Variants in AHCY observed in about 807,000 individuals in gnomAD.
The protein encoded by AHCY is adenosylhomocysteinase, also known as S-adenosyl-L-homocysteine hydrolase.
In AHCY, 24 loss-of-function variants were observed where a neutral mutation model predicts 45.4. The observed-to-expected ratio is 0.53, with a 90% CI of 0.38 to 0.74. The LOEUF (loss-of-function observed/expected upper bound fraction) is 0.74, where lower values mean the gene tolerates loss of function less well. Among genes scored for constraint, AHCY ranks in the 30% least tolerant of loss-of-function variants. The pLI is 0.00. For synonymous variants in AHCY, 245 were observed against 235.1 expected, an observed-to-expected ratio of 1.04 and a Z score of -0.39; for missense variants, 449 against 594.1, an observed-to-expected ratio of 0.76 and a Z score of 2.54.
chr20:34,311,091 G>T (rs1483912965), intron 1 of AHCY, among the ~76,000 whole-genome samples: 1 of 152,110 alleles, frequency 6.6e-6, no homozygotes, highest in Admixed American at 6.6e-5. Context: ...CTGCACTCTA[G>T]CCTGGGCAAC....
intron 1 of AHCY, among the ~76,000 whole-genome samples, chr20:34,298,921 G>A (rs2036677606): frequency 6.6e-6 from 1 of 152,132 alleles, no homozygotes; most frequent in African/African-American, 2.4e-5. Flanking sequence ...GCCAGGCAGG[G>A]AAGGGCCCCC....
chr20:34,302,027 G>T, intron 1 of AHCY: 3 of 964,532 alleles, frequency 3.1e-6, no homozygotes, highest in Non-Finnish European at 3.7e-6. Context: ...TTGAGACAGG[G>T]TCTTGCTCTG....
chr20:34,309,729 C>A (rs935166625), intron 1 of AHCY, among the ~76,000 whole-genome samples: 1 of 151,922 alleles, frequency 6.6e-6, no homozygotes, highest in Non-Finnish European at 1.5e-5. Context: ...TGCAGTGAGC[C>A]GAGATCGTGC....
intron 9 of AHCY, 53 bp downstream of exon 9, chr20:34,285,387 G>C (rs1405381159): frequency 6.2e-7 from 1 of 1,600,576 alleles, no homozygotes; most frequent in Non-Finnish European, 8.6e-7. Flanking sequence ...CCTGTGTGGG[G>C]ATCCCAGGAT....
chr20:34,297,620 T>A (rs1338467002), intron 1 of AHCY, among the ~76,000 whole-genome samples: 1 of 151,878 alleles, frequency 6.6e-6, no homozygotes, highest in African/African-American at 2.4e-5. Flanking sequence ...ATTAAGACCA[T>A]AAAAGACACA....
chr20:34,260,570 A>C, the AHCY span: 2 of 1,557,154 alleles, frequency 1.3e-6, no homozygotes, highest in African/African-American at 2.7e-5. Flanking sequence ...GGCCCAGGAG[A>C]GGGGCTGCAG....
At chr20:34,305,268 G>C (rs2036883413), upstream of AHCY, among the ~76,000 whole-genome samples, 1 of 152,036 alleles carries the variant, frequency 6.6e-6, no homozygotes, top group Non-Finnish European at 1.5e-5. Flanking sequence ...AGCTTGCAGT[G>C]AGCCGAGATC....
At chr20:34,289,346 TGTATTTTTA>T (rs1391133033) in intron 8 of AHCY, among the ~76,000 whole-genome samples, 1 of 147,800 alleles carries the variant, frequency 6.8e-6, no homozygotes, top group Non-Finnish European at 1.5e-5. Flanking sequence ...GCTAACTTCT[TGTATTTTTA>T]GTAGAGACGG....
chr20:34,236,886 G>A, the AHCY span, among the ~76,000 whole-genome samples: 42 of 152,022 alleles, frequency 2.8e-4, no homozygotes, highest in Non-Finnish European at 4.9e-4. Flanking sequence ...TTTTGTATAT[G>A]GTGTTAGGTA....
At position 34,280,917 on chromosome 20, in the gene AHCY, A is replaced by G. The variant is rs960383594; in HGVS notation, c.*117T>C. 1 of 1,474,124 alleles carries G rather than the reference A, an allele frequency of 6.8e-7. No homozygotes were observed. The highest frequency in any genetic ancestry group is 1.4e-5 in the African/African-American group (1 of 72,016). 91.3% of individuals were successfully genotyped at this position (1,474,124 alleles called of 1,614,324 possible). A position where few individuals can be genotyped will look rare whatever the true frequency, so the allele number is the denominator to read the frequency against. On this transcript the variant is annotated 3_prime_UTR_variant, in exon 10 of 10. Coordinates refer to ENST00000217426, the MANE Select transcript of AHCY (RefSeq NM_000687.4). ...CCAAAAACTAAGTGATCAGCCCCAG[A>G]GAGTCGATGGGGGACACTGACAAAC...
Position 34,303,341 on chromosome 20 carries a change from C to G in AHCY, c.-71G>C. 1.3e-6 allele frequency: 2 copies of G among 1,544,972 alleles called. No individual in the cohort carries two copies. Among genetic ancestry groups the G allele is most frequent in the East Asian group, 2.4e-5 (1 of 40,868 alleles). ...AGTCTGGGAACAGGAACTGGGCGGG[C>G]AGCGCCGAGCAGGGATATGCGCGTG... is the stretch of plus-strand genomic sequence containing the variant. On this transcript the variant is annotated 5_prime_UTR_variant, in exon 1 of 10. Coordinates refer to ENST00000217426, the MANE Select transcript of AHCY (RefSeq NM_000687.4).
chr20:34,241,655 A>G, the AHCY span, among the ~76,000 whole-genome samples: 1 of 152,230 alleles, frequency 6.6e-6, no homozygotes, highest in Non-Finnish European at 1.5e-5. Flanking sequence ...GTGTGAAGAA[A>G]GCAGTTGATC....
At chr20:34,277,741 C>G (rs1195846132), downstream of AHCY, among the ~76,000 whole-genome samples, 2 of 109,326 alleles carry the variant, frequency 1.8e-5, no homozygotes, top group African/African-American at 7.3e-5. Context: ...GGCGACAGAG[C>G]AAGACTCCAT....
chr20:34,293,905 T>C (rs2036485059), intron 3 of AHCY, 176 bp downstream of exon 3: 3 of 706,842 alleles, frequency 4.2e-6, no homozygotes, highest in Non-Finnish European at 7.6e-6. Context: ...CACAGGATTT[T>C]AGATGATGAT....
At chr20:34,239,187 A>G in the AHCY span, among the ~76,000 whole-genome samples, 2 of 151,032 alleles carry the variant, frequency 1.3e-5, no homozygotes, top group African/African-American at 2.4e-5. Flanking sequence ...CCTAATATCC[A>G]TCAGACTCAG....
Position 34,291,471 on chromosome 20 carries a change from GC to G in AHCY, c.505del (p.Ala169ProfsTer32). 6.2e-7 allele frequency: 1 copy of G among 1,614,120 alleles called. No individual in the cohort carries two copies. The highest frequency in any genetic ancestry group is 1.1e-5 in the South Asian group (1 of 91,080). ...TGVHNLYKMM[A>X]NGILKVPAIN... ...GGCAGGCACCTTGAGGATCCCATTG[GC>G]CATCATCTTGTAGAGGTTGTGGACC... On this transcript the variant is annotated frameshift_variant, in exon 5 of 10. Transcript: ENST00000217426. LOFTEE classifies it high-confidence loss of function.
chr20:34,236,172 G>GA, the AHCY span, among the ~76,000 whole-genome samples: 2 of 151,802 alleles, frequency 1.3e-5, no homozygotes, highest in Non-Finnish European at 2.9e-5. Context: ...GGAAAAGAAA[G>GA]AAAGAAAGAA....
At chr20:34,253,296 C>T in the AHCY span, among the ~76,000 whole-genome samples, 2 of 151,200 alleles carry the variant, frequency 1.3e-5, no homozygotes, top group African/African-American at 2.4e-5. Context: ...TTAGTAGAGA[C>T]GGGGTTTCAC....
At chr20:34,232,924 A>G in the AHCY span, among the ~76,000 whole-genome samples, 1 of 152,156 alleles carries the variant, frequency 6.6e-6, no homozygotes, top group African/African-American at 2.4e-5. Flanking sequence ...GCAGTGCTGG[A>G]TCTAAGGGAC....
Sources: allele counts gnomAD v4.1 joint callset (sites outside exome capture counted in the v4.1 genomes callset), GRCh38; gene constraint gnomAD v4.1.1; transcripts MANE v1.5; gene names NCBI Gene and HGNC (gene_info 2026-07-23, HGNC 2026-07-21).